Variants in DMXL1 observed in about 807,000 individuals in gnomAD.
The protein encoded by DMXL1 is dmX-like protein 1.
DMXL1 carries 99 observed loss-of-function variants against 319.2 expected under a neutral mutation model. The observed-to-expected ratio is 0.31, with a 90% CI of 0.26 to 0.37. The LOEUF is 0.37. DMXL1 is among the 10% of genes least tolerant of loss of function. The pLI is 1.00. For missense variants in DMXL1, 3,745 were observed against 3,595.6 expected (o/e 1.04, Z -1.06); for synonymous variants, 1,385 against 1,235.2 (o/e 1.12, Z -2.54).
At position 119,149,817 on chromosome 5, in the gene DMXL1, T is replaced by C; in HGVS notation, c.3990T>C (p.Leu1330=). The change falls in exon 18 of 44, where the codon CTT becomes CTC. Residue 1330 remains leucine (L), a synonymous_variant. Coordinates refer to ENST00000539542, the MANE Select transcript of DMXL1 (RefSeq NM_001290321.3). ...PTLPQYHPLQ[L]LELMDLGKVR... ...TACCTCAGTATCATCCCTTGCAGCT[T>C]TTGGAACTCATGGATCTTGGTAAAG... The C allele has an allele frequency of 6.2e-7, 1 of 1,613,938 alleles. No individual in the cohort carries two copies.
chr5:119,206,695 A>AT (rs1781805097), intron 33 of DMXL1, 139 bp from the exon 34 acceptor site: 3 of 533,240 alleles, frequency 5.6e-6, no homozygotes, highest in Non-Finnish European at 9.7e-6. Flanking sequence ...GGTGTATGAA[A>AT]TTTTGAGAAT....
Position 119,129,330 on chromosome 5 carries a change from G to GT in DMXL1, c.1229dup (p.Leu410PhefsTer5), listed in dbSNP as rs1764293273. On this transcript the variant is annotated frameshift_variant, in exon 10 of 44. Transcript: ENST00000539542. LOFTEE classifies it high-confidence loss of function. ...ACTGCATTTTACTTTGTCCATGGAA[G>GT]TTTTTTTACAGCAACTTAGAAAAAG... The GT allele has an allele frequency of 6.2e-7, 1 of 1,613,718 alleles. No homozygotes were observed. Among genetic ancestry groups the GT allele is most frequent in the Non-Finnish European group, 8.5e-7 (1 of 1,179,842 alleles).
intron 10 of DMXL1, among the ~76,000 whole-genome samples, chr5:119,129,656 G>A (rs1456157206): frequency 6.6e-6 from 1 of 152,138 alleles, no homozygotes; most frequent in Non-Finnish European, 1.5e-5. Context: ...TAGCCCTTAG[G>A]ACTTTCCTAT....
At chr5:119,196,656 A>G (rs1423805124) in intron 31 of DMXL1, among the ~76,000 whole-genome samples, 200 bp downstream of exon 31, 1 of 152,126 alleles carries the variant, frequency 6.6e-6, no homozygotes, top group Non-Finnish European at 1.5e-5. Flanking sequence ...GGCAACATCC[A>G]AGAAATCAAG....
At chr5:119,165,132 C>G in intron 20 of DMXL1, 51 bp from the exon 21 acceptor site, 1 of 1,132,296 alleles carries the variant, frequency 8.8e-7, no homozygotes, top group Non-Finnish European at 1.3e-6. Context: ...AAAGAAATTA[C>G]TTGTTCAAAA....
At chr5:119,142,862 A>C (rs1767720369) in intron 13 of DMXL1, among the ~76,000 whole-genome samples, 1 of 152,170 alleles carries the variant, frequency 6.6e-6, no homozygotes, top group African/African-American at 2.4e-5. Context: ...AGCCATAAAA[A>C]AGAATGAAAT....
intron 1 of DMXL1, among the ~76,000 whole-genome samples, chr5:119,074,997 C>T (rs1297638833): frequency 6.6e-6 from 1 of 152,010 alleles, no homozygotes; most frequent in Non-Finnish European, 1.5e-5. Context: ...TGAAAAAGTG[C>T]TAAGCTGTAA....
At chr5:119,133,445 C>A (rs1240610607) in intron 11 of DMXL1, 49 bp from the exon 12 acceptor site, 1 of 1,577,946 alleles carries the variant, frequency 6.3e-7, no homozygotes, top group South Asian at 1.2e-5. Context: ...TTTTCTAATA[C>A]CTCTTTATAT....
In DMXL1 at chr5:119,149,935, C is replaced by T. The variant is rs1342972238; in HGVS notation, c.4108C>T (p.Arg1370Cys). The T allele has an allele frequency of 3.7e-6, 6 of 1,613,736 alleles. No individual in the cohort carries two copies. The highest frequency in any genetic ancestry group is 2.7e-5 in the African/African-American group (2 of 74,868). ...LNEAESNHERRLRSLTISASG... is the reference protein window; with the variant it reads ...LNEAESNHERCLRSLTISASG... ...TGAAGCTGAATCTAATCATGAACGCCGCCTTAGGTCTCTCACAATCAGTGC... is the reference window on the plus strand; with the variant it reads ...TGAAGCTGAATCTAATCATGAACGCTGCCTTAGGTCTCTCACAATCAGTGC... The change falls in exon 18 of 44, where the codon CGC becomes TGC. Residue 1370 changes from arginine to cysteine, a missense_variant. Physicochemically the swap from Arg to Cys is radical, Grantham distance 180. Around this residue, in one of 4 missense-constraint regions of DMXL1, gnomAD observed 2,096 missense variants for 1,985.4 expected, o/e 1.06. Transcript: ENST00000539542.
At chr5:119,205,512 G>T (rs2150475735) in intron 33 of DMXL1, among the ~76,000 whole-genome samples, 1 of 152,046 alleles carries the variant, frequency 6.6e-6, no homozygotes, top group South Asian at 2.1e-4. Flanking sequence ...TCAGTAAGCT[G>T]AATATTTTCT....
chr5:119,071,364 G>A lies in DMXL1; in HGVS notation c.-206G>A. Reference sequence around the variant, plus strand: ...GAGCGCGGCGCTCCGCCCTCTCGCCGACCCGCCCCCTCCGGGCCTCGCCCT... The same window carrying A: ...GAGCGCGGCGCTCCGCCCTCTCGCCAACCCGCCCCCTCCGGGCCTCGCCCT... On this transcript the variant is annotated 5_prime_UTR_variant, in exon 1 of 44. Coordinates refer to ENST00000539542, the MANE Select transcript of DMXL1 (RefSeq NM_001290321.3). 3.6e-6 allele frequency: 2 copies of A among 554,946 alleles called. No individual in the cohort carries two copies. The highest frequency in any genetic ancestry group is 6.3e-6 in the Non-Finnish European group (2 of 317,886). 34.4% of individuals were successfully genotyped at this position (554,946 alleles called of 1,614,324 possible).
At position 119,221,014 on chromosome 5, in the gene DMXL1, G is replaced by A. The variant is rs866933490; in HGVS notation, c.8210G>A (p.Ser2737Asn). 1 of 1,613,802 alleles carries A rather than the reference G, an allele frequency of 6.2e-7. No homozygotes were observed. Among genetic ancestry groups the A allele is most frequent in the East Asian group, 2.2e-5 (1 of 44,818 alleles). Residue 2737 changes from serine (S) to asparagine (N), a missense_variant, in exon 37 of 44, where the codon AGC becomes AAC. This residue lies in a region of DMXL1 where 1,382 missense variants were observed against 1,269.5 expected (regional missense o/e 1.09). Coordinates refer to ENST00000539542, the MANE Select transcript of DMXL1 (RefSeq NM_001290321.3). ...AVQGTTPYTHSNPGTPINMPW... is the reference protein window; with the variant it reads ...AVQGTTPYTHNNPGTPINMPW... ...CAAGGTACAACTCCATATACACATA[G>A]CAATCCTGGCACTCCAATCAACATG... is the stretch of plus-strand genomic sequence containing the variant.
Position 119,129,233 on chromosome 5 carries a change from T to TA in DMXL1, c.1126dup (p.Thr376AsnfsTer7). On this transcript the variant is annotated frameshift_variant, in exon 10 of 44. Transcript: ENST00000539542. LOFTEE classifies it high-confidence loss of function. ...TAGACATTCCACTTCTTCCATCTAT[T>TA]ACATCTCTGAGTCTAAATGAAAATG... 1 of 1,612,038 alleles carries TA rather than the reference T, an allele frequency of 6.2e-7. No individual in the cohort carries two copies. Among genetic ancestry groups the TA allele is most frequent in the Non-Finnish European group, 8.5e-7 (1 of 1,178,808 alleles).
chr5:119,118,707 C>G lies in DMXL1; in HGVS notation c.744-108C>G, dbSNP rs1437044370. On this transcript the variant is annotated intron_variant, in intron 7 of 43. Coordinates refer to ENST00000539542, the MANE Select transcript of DMXL1 (RefSeq NM_001290321.3). ...AATCTGTACATATTGATATTTTCTT[C>G]ATTGGTACCTTAGTTGGTACATTTA... 7 of 798,546 alleles carry G rather than the reference C, an allele frequency of 8.8e-6. No homozygotes were observed. In the African/African-American group the frequency reaches 1.2e-4, roughly 14 times the overall value. 49.5% of individuals were successfully genotyped at this position (798,546 alleles called of 1,614,324 possible). A position where few individuals can be genotyped will look rare whatever the true frequency, so the allele number is the denominator to read the frequency against.
chr5:119,071,057 A>G (rs1258893994), upstream of DMXL1: 1 of 161,424 alleles, frequency 6.2e-6, no homozygotes, highest in East Asian at 1.9e-4. Flanking sequence ...CCCCGAGCGA[A>G]GTCTCGCGAT....
Position 119,149,185 on chromosome 5 carries a change from A to G in DMXL1, c.3358A>G (p.Asn1120Asp), listed in dbSNP as rs967885144. 6.2e-7 allele frequency: 1 copy of G among 1,613,918 alleles called. No individual in the cohort carries two copies. Among genetic ancestry groups the G allele is most frequent in the South Asian group, 1.1e-5 (1 of 91,088 alleles). The change falls in exon 18 of 44, where the codon AAT becomes GAT. Residue 1120 changes from asparagine (N) to aspartate (D), a missense_variant. Asn to Asp is a conservative substitution (Grantham distance 23). Coordinates refer to ENST00000539542, the MANE Select transcript of DMXL1 (RefSeq NM_001290321.3). ...ISVDSNLVAY[N>D]KQDMYLSSKE... The stretch of plus-strand genomic sequence containing the variant: ...TGTTGATAGCAATTTAGTGGCCTAT[A>G]ATAAACAAGACATGTATTTATCTAG...
At chr5:119,142,579 G>T (rs1010280526) in intron 13 of DMXL1, among the ~76,000 whole-genome samples, 8 of 150,138 alleles carry the variant, frequency 5.3e-5, no homozygotes, top group African/African-American at 1.7e-4. Flanking sequence ...CACTTACACA[G>T]TGTTGATGGG....
intron 10 of DMXL1, among the ~76,000 whole-genome samples, chr5:119,132,052 T>C (rs1765022834): frequency 6.6e-6 from 1 of 152,198 alleles, no homozygotes. Flanking sequence ...ACTTAATGGC[T>C]CAAGGGGATC....
intron 25 of DMXL1, among the ~76,000 whole-genome samples, chr5:119,174,666 T>G (rs1032117746): frequency 3.3e-5 from 5 of 152,264 alleles, no homozygotes; most frequent in Admixed American, 1.3e-4. Flanking sequence ...TTCTCCTTCA[T>G]CCTCAGTTCT....
Sources: gnomAD v4.1 joint callset for allele counts (sites outside exome capture counted in the v4.1 genomes callset) on GRCh38, gnomAD v4.1.1 for gene constraint, gnomAD v4.1.1 regional missense constraint, MANE v1.5 for transcripts, NCBI Gene and HGNC (gene_info 2026-07-23, HGNC 2026-07-21) for gene names.